The following GPHN variants were observed in gnomAD, a reference collection of about 807,000 sequenced individuals.
GPHN encodes the protein gephyrin.
GPHN carries 17 observed loss-of-function variants against 95.5 expected under a neutral mutation model. The ratio of observed to expected loss-of-function variants is 0.18; its 90% CI spans 0.12 to 0.27. GPHN has a LOEUF of 0.27. Among genes scored for constraint, GPHN ranks in the 10% least tolerant of loss-of-function variants. GPHN has a pLI of 1.00. For synonymous variants in GPHN, 320 were observed against 322.5 expected (o/e 0.99, Z 0.08); for missense variants, 660 against 978.1 (o/e 0.67, Z 4.34).
chr14:67,521,059 G>C, the GPHN span, among the ~76,000 whole-genome samples: 1 of 152,210 alleles, frequency 6.6e-6, no homozygotes, highest in Non-Finnish European at 1.5e-5. Context: ...GGCTATGAGA[G>C]AAAGTGAATG....
chr14:66,565,967 T>C (rs1326489693), intron 1 of GPHN, among the ~76,000 whole-genome samples: 1 of 123,218 alleles, frequency 8.1e-6, no homozygotes, highest in Non-Finnish European at 1.5e-5. Flanking sequence ...AAAAGAAAAT[T>C]CTTTTTTTTT....
intron 10 of GPHN, among the ~76,000 whole-genome samples, chr14:67,047,678 A>C (rs1192047543): frequency 6.6e-6 from 1 of 152,012 alleles, no homozygotes; most frequent in African/African-American, 2.4e-5. Flanking sequence ...TTTCCTTTTC[A>C]TTTTAAAAAT....
chr14:67,317,179 C>A, the GPHN span, among the ~76,000 whole-genome samples: 1 of 152,066 alleles, frequency 6.6e-6, no homozygotes, highest in Admixed American at 6.5e-5. Context: ...AAATTAAAAA[C>A]AAGCTGGGTG....
chr14:67,392,924 T>C, the GPHN span: 1 of 1,272,762 alleles, frequency 7.9e-7, no homozygotes, highest in East Asian at 2.4e-5. Context: ...ATGACCTCAC[T>C]GACCTTGGCC....
intron 1 of GPHN, among the ~76,000 whole-genome samples, chr14:66,656,501 T>A (rs1372708144): frequency 6.6e-6 from 1 of 152,192 alleles, no homozygotes; most frequent in Non-Finnish European, 1.5e-5. Flanking sequence ...GCTTTACATT[T>A]TGACTCTGCT....
Position 67,144,250 on chromosome 14 carries a change from AATATATATATATATATAT to A in GPHN, c.1836+821_1836+838del, listed in dbSNP as rs71129810. On this transcript the variant is annotated intron_variant, in intron 18 of 22. Transcript: ENST00000478722. ...AGACCCTGTCTTAAAAAAAAAAAAA[AATATATATATATATATAT>A]ATATATATATATATATATACACACA... 4.3e-3 allele frequency among the ~76,000 whole-genome samples: 247 copies of A among 57,780 alleles called. 25 individuals carry two copies. The highest frequency in any genetic ancestry group is 0.018 in the African/African-American group (219 of 12,490). The allele number at this position is 57,780 out of a possible 152,430, so 37.9% of individuals were successfully genotyped here.
At chr14:66,562,695 G>A (rs981682396) in intron 1 of GPHN, among the ~76,000 whole-genome samples, 5 of 152,040 alleles carry the variant, frequency 3.3e-5, no homozygotes, top group African/African-American at 7.2e-5. Flanking sequence ...ATAAATATAC[G>A]CGGGAAATCA....
At chr14:67,392,971 T>TG in the GPHN span, 1 of 888,342 alleles carries the variant, frequency 1.1e-6, no homozygotes, top group Non-Finnish European at 1.8e-6. Context: ...AAGAGCAGAC[T>TG]GAAGGCCACA....
the GPHN span, chr14:67,615,851 G>A: frequency 1.7e-4 from 103 of 621,176 alleles, 1 homozygote; most frequent in African/African-American, 1.8e-3. Context: ...GTCCATTGGT[G>A]ATTCGGCGAA....
At chr14:67,732,948 A>T in the GPHN span, among the ~76,000 whole-genome samples, 2 of 152,056 alleles carry the variant, frequency 1.3e-5, no homozygotes, top group Non-Finnish European at 2.9e-5. Flanking sequence ...TTATAATTAG[A>T]AAAAAGGAAC....
chr14:67,330,216 G>A, the GPHN span, among the ~76,000 whole-genome samples: 1 of 150,026 alleles, frequency 6.7e-6, no homozygotes, highest in African/African-American at 2.4e-5. Context: ...TAAGTTGGAG[G>A]GCATTTGTCT....
chr14:66,552,659 A>C (rs2059856938), intron 1 of GPHN, among the ~76,000 whole-genome samples: 1 of 151,946 alleles, frequency 6.6e-6, no homozygotes. Context: ...TCTTTATTCC[A>C]CCCTCATTTC....
At chr14:67,188,982 C>A in the GPHN span, among the ~76,000 whole-genome samples, 2 of 152,040 alleles carry the variant, frequency 1.3e-5, no homozygotes, top group African/African-American at 2.4e-5. Flanking sequence ...TGAGCCACTG[C>A]GCCCGGCCTC....
intron 4 of GPHN, among the ~76,000 whole-genome samples, chr14:66,840,970 G>GATAGAT (rs55658047): frequency 0.015 from 1,776 of 121,336 alleles, 27 homozygotes; most frequent in East Asian, 0.03. Flanking sequence ...AAGCCTACTA[G>GATAGAT]ATAGATATAG....
the GPHN span, chr14:67,734,151 G>A: frequency 1.6e-4 from 52 of 333,146 alleles, no homozygotes; most frequent in African/African-American, 8.5e-4. Flanking sequence ...AGAAGAGCCC[G>A]AGAAATTGGG....
chr14:67,361,513 G>C, the GPHN span, among the ~76,000 whole-genome samples: 1 of 152,196 alleles, frequency 6.6e-6, no homozygotes, highest in African/African-American at 2.4e-5. Flanking sequence ...TTCCTAATAC[G>C]TGTTAGATCC....
the GPHN span, among the ~76,000 whole-genome samples, chr14:67,440,795 G>GA: frequency 1.3e-5 from 2 of 151,466 alleles, no homozygotes; most frequent in African/African-American, 4.8e-5. Context: ...ATGCTGCCCT[G>GA]ATTCTATTTC....
chr14:67,362,032 CTTTTTTT>C, the GPHN span, among the ~76,000 whole-genome samples: 1 of 91,420 alleles, frequency 1.1e-5, no homozygotes, highest in Non-Finnish European at 2.2e-5. Flanking sequence ...TTTCTTTTTT[CTTTTTTT>C]TTTTGAGACA....
the GPHN span, among the ~76,000 whole-genome samples, chr14:67,489,487 G>A: frequency 1.3e-5 from 2 of 152,134 alleles, no homozygotes; most frequent in African/African-American, 2.4e-5. Context: ...GCTGCTGGGA[G>A]CGTGAAGAAG....
Sources: allele counts gnomAD v4.1 joint callset (sites outside exome capture counted in the v4.1 genomes callset), GRCh38; gene constraint gnomAD v4.1.1; transcripts MANE v1.5; gene names NCBI Gene and HGNC (gene_info 2026-07-23, HGNC 2026-07-21).